The following CDH4 variants were observed in gnomAD, a reference collection of about 807,000 sequenced individuals.
CDH4 encodes cadherin-4.
In CDH4, 33 loss-of-function variants were observed where a neutral mutation model predicts 86.0. That is an observed-to-expected ratio of 0.38 (90% CI 0.29 to 0.51). CDH4 has a LOEUF of 0.51. CDH4 is among the 20% of genes least tolerant of loss of function. The pLI, the probability that CDH4 is intolerant of heterozygous loss-of-function variation, is 0.86. For missense variants in CDH4, 1,114 were observed against 1,307.4 expected (o/e 0.85, Z 2.28); for synonymous variants, 555 against 549.4 (o/e 1.01, Z -0.14).
At chr20:61,611,716 G>A (rs2086686759) in intron 2 of CDH4, among the ~76,000 whole-genome samples, 1 of 152,166 alleles carries the variant, frequency 6.6e-6, no homozygotes, top group Non-Finnish European at 1.5e-5. Flanking sequence ...AAACGAGGCT[G>A]TAGCCAAGCC....
At chr20:61,858,896 C>T in intron 6 of CDH4, among the ~76,000 whole-genome samples, 1 of 152,138 alleles carries the variant, frequency 6.6e-6, no homozygotes, top group East Asian at 1.9e-4. Flanking sequence ...CTCGTGTGAA[C>T]ATAAGTTTCC....
chr20:61,682,252 G>A (rs906440835), intron 2 of CDH4, among the ~76,000 whole-genome samples: 21 of 151,210 alleles, frequency 1.4e-4, no homozygotes, highest in Non-Finnish European at 3.1e-4. Flanking sequence ...ACAAGTGGAC[G>A]GATGGATAGA....
intron 2 of CDH4, among the ~76,000 whole-genome samples, chr20:61,697,322 G>T (rs555538604): frequency 6.6e-6 from 1 of 152,168 alleles, no homozygotes; most frequent in African/African-American, 2.4e-5. Flanking sequence ...ACAGAAGGCC[G>T]GGCACAGTGG....
chr20:61,631,786 C>T (rs924531198), intron 2 of CDH4, among the ~76,000 whole-genome samples: 3 of 152,232 alleles, frequency 2.0e-5, no homozygotes, highest in Non-Finnish European at 4.4e-5. Context: ...AGCTTTTGTT[C>T]TACTGGGAAG....
At chr20:61,364,118 C>T (rs1476896252) in intron 2 of CDH4, among the ~76,000 whole-genome samples, 2 of 152,178 alleles carry the variant, frequency 1.3e-5, no homozygotes, top group Non-Finnish European at 2.9e-5. Context: ...CAGGAAAAGG[C>T]CTGGCACCTT....
At chr20:61,934,963 G>T (rs1438233738) in intron 15 of CDH4, among the ~76,000 whole-genome samples, 1 of 152,198 alleles carries the variant, frequency 6.6e-6, no homozygotes, top group African/African-American at 2.4e-5. Context: ...CTTCCAACGC[G>T]CAGCTCCCTG....
At chr20:61,788,563 A>G (rs1158774543) in intron 4 of CDH4, among the ~76,000 whole-genome samples, 1 of 152,210 alleles carries the variant, frequency 6.6e-6, no homozygotes, top group African/African-American at 2.4e-5. Context: ...CAGAGGAGAC[A>G]GCCTGTGTGC....
intron 2 of CDH4, among the ~76,000 whole-genome samples, chr20:61,550,946 G>A (rs569247136): frequency 6.6e-6 from 1 of 152,252 alleles, no homozygotes; most frequent in Admixed American, 6.5e-5. Context: ...GATGGGGAGA[G>A]TGGGAAGAGT....
chr20:61,546,446 A>G lies in CDH4; in HGVS notation c.170-197117A>G, dbSNP rs1309345065. ...GATGCCCACACTTTGTGTTAGTGACATTCTAGGGACTCAGTGCTTCTAGGA... is the reference window on the plus strand; with the variant it reads ...GATGCCCACACTTTGTGTTAGTGACGTTCTAGGGACTCAGTGCTTCTAGGA... On this transcript the variant is annotated intron_variant, in intron 2 of 15. Transcript: ENST00000614565. Among the ~76,000 whole-genome samples the G allele has an allele frequency of 2.6e-5, 4 of 151,912 alleles. No homozygotes were observed. In the South Asian group the frequency reaches 8.3e-4, roughly 32 times the overall value.
At chr20:61,834,176 C>T (rs759060842) in intron 4 of CDH4, among the ~76,000 whole-genome samples, 10 of 152,202 alleles carry the variant, frequency 6.6e-5, no homozygotes, top group Admixed American at 6.5e-4. Flanking sequence ...GCAGGCAAAG[C>T]CAGGGCTGAC....
At chr20:61,766,100 C>G (rs1171183971) in intron 3 of CDH4, among the ~76,000 whole-genome samples, 2 of 151,984 alleles carry the variant, frequency 1.3e-5, no homozygotes, top group Non-Finnish European at 2.9e-5. Flanking sequence ...CCCACACCTC[C>G]CTCCCTGGCA....
At chr20:61,588,806 T>C (rs1433554354) in intron 2 of CDH4, among the ~76,000 whole-genome samples, 1 of 152,222 alleles carries the variant, frequency 6.6e-6, no homozygotes, top group Non-Finnish European at 1.5e-5. Context: ...TTGCACCTCA[T>C]AAATTTTAAC....
chr20:61,823,882 A>G (rs1380763528), intron 4 of CDH4, among the ~76,000 whole-genome samples: 1 of 152,242 alleles, frequency 6.6e-6, no homozygotes, highest in African/African-American at 2.4e-5. Context: ...AATAAATACT[A>G]TGTAGTAAAA....
At position 61,392,809 on chromosome 20, in the gene CDH4, C is replaced by A. The variant is rs1360698911; in HGVS notation, c.169+137872C>A. Among the ~76,000 whole-genome samples the A allele has an allele frequency of 6.6e-6, 1 of 152,178 alleles. No individual in the cohort carries two copies. On this transcript the variant is annotated intron_variant, in intron 2 of 15. Transcript: ENST00000614565. The surrounding 1 kb of genome is among the most constrained non-coding windows in gnomAD (Gnocchi z 5.7). The stretch of plus-strand genomic sequence containing the variant: ...GCGGGGTAGAAACACTGGCCCCCCA[C>A]GGTGCTCTAGAAATGTCAGATGCAT...
chr20:61,471,325 G>GTTAC (rs1432097809), intron 2 of CDH4, among the ~76,000 whole-genome samples: 8 of 151,944 alleles, frequency 5.3e-5, no homozygotes, highest in Non-Finnish European at 1.0e-4. Context: ...GTTGCTCATA[G>GTTAC]TAGCCACTAA....
chr20:61,534,342 A>G (rs1398031183), intron 2 of CDH4, among the ~76,000 whole-genome samples: 2 of 152,234 alleles, frequency 1.3e-5, no homozygotes, highest in Middle Eastern at 3.2e-3. Flanking sequence ...CACACGGGGC[A>G]GGAGGATGGT....
At position 61,495,483 on chromosome 20, in the gene CDH4, C is replaced by T. The variant is rs375363908; in HGVS notation, c.169+240546C>T. ...GTGCTGCAGGGCAGCCCGGGACTGC[C>T]CAGCAGGGGAGGAGGCAGGAAACAG... On this transcript the variant is annotated intron_variant, in intron 2 of 15. Transcript: ENST00000614565. 5.9e-5 allele frequency among the ~76,000 whole-genome samples: 9 copies of T among 152,276 alleles called. No homozygotes were observed. The East Asian group carries it at 1.2e-3, about 20-fold the overall frequency.
At chr20:61,387,162 C>T (rs1419170115) in intron 2 of CDH4, among the ~76,000 whole-genome samples, 1 of 149,266 alleles carries the variant, frequency 6.7e-6, no homozygotes, top group Non-Finnish European at 1.5e-5. Context: ...TCTCTAACCC[C>T]CCTAATATGA....
In CDH4 at chr20:61,684,357, G is replaced by A. The variant is rs1195877162; in HGVS notation, c.170-59206G>A. ...CCGCCCAGCTAAGGAAGCAGCAAGC[G>A]CGGAGCACGTGGCCTCAACCTCCGT... On this transcript the variant is annotated intron_variant, in intron 2 of 15. Transcript: ENST00000614565. The surrounding 1 kb of genome is among the most constrained non-coding windows in gnomAD (Gnocchi z 4.5). 3.9e-5 allele frequency among the ~76,000 whole-genome samples: 6 copies of A among 152,198 alleles called. No homozygotes were observed. Among genetic ancestry groups the A allele is most frequent in the Admixed American group, 2.0e-4 (3 of 15,284 alleles).
Sources: gnomAD v4.1 joint callset for allele counts (sites outside exome capture counted in the v4.1 genomes callset) on GRCh38, gnomAD v4.1.1 for gene constraint, Gnocchi (gnomAD v3.1) non-coding constraint, MANE v1.5 for transcripts, NCBI Gene and HGNC (gene_info 2026-07-23, HGNC 2026-07-21) for gene names.